KIAA1958: variants seen among roughly 807,000 people sequenced by gnomAD.
KIAA1958 encodes the protein KIAA1958.
Under a neutral mutation model 47.2 loss-of-function variants are expected in KIAA1958, and 14 were observed. The ratio of observed to expected loss-of-function variants is 0.30; its 90% CI spans 0.20 to 0.46. The LOEUF is 0.46. Among genes scored for constraint, KIAA1958 ranks in the 20% least tolerant of loss-of-function variants. KIAA1958 has a pLI of 1.00. For synonymous variants in KIAA1958, 354 were observed against 353.3 expected, an observed-to-expected ratio of 1.00 and a Z score of -0.02; for missense variants, 803 against 909.2, an observed-to-expected ratio of 0.88 and a Z score of 1.50.
rs188040552 is a variant in KIAA1958 at position 112,497,705 on chromosome 9, T to C, written c.-25+10587T>C. Reference sequence around the variant, plus strand: ...TTTAATTCTCCAATTTAAAACTTAATTAAAAAGTAAACTTTAATGTTGAAA... The same window carrying C: ...TTTAATTCTCCAATTTAAAACTTAACTAAAAAGTAAACTTTAATGTTGAAA... On this transcript the variant is annotated intron_variant, in intron 1 of 3. Coordinates refer to ENST00000337530, the MANE Select transcript of KIAA1958 (RefSeq NM_133465.4). Among the ~76,000 whole-genome samples, 442 of 152,294 alleles carry C rather than the reference T, an allele frequency of 2.9e-3. 1 individual carries two copies. Among genetic ancestry groups the C allele is most frequent in the Non-Finnish European group, 3.7e-3 (252 of 68,022 alleles).
At chr9:112,596,802 A>G (rs1320490702) in intron 2 of KIAA1958, among the ~76,000 whole-genome samples, 1 of 152,162 alleles carries the variant, frequency 6.6e-6, no homozygotes, top group African/African-American at 2.4e-5. Context: ...TTTATGTGCC[A>G]TACATCTTTT....
chr9:112,638,367 T>G (rs1836840951), intron 2 of KIAA1958, among the ~76,000 whole-genome samples: 1 of 151,960 alleles, frequency 6.6e-6, no homozygotes, highest in Admixed American at 6.6e-5. Flanking sequence ...TAGCCAGGTG[T>G]TGTGCATGCA....
At chr9:112,624,216 C>T (rs1349764995) in intron 2 of KIAA1958, among the ~76,000 whole-genome samples, 1 of 152,158 alleles carries the variant, frequency 6.6e-6, no homozygotes, top group Non-Finnish European at 1.5e-5. Flanking sequence ...ATAAATGTTT[C>T]CCAAATAGAA....
At chr9:112,644,331 G>A (rs1032985048) in intron 2 of KIAA1958, among the ~76,000 whole-genome samples, 10 of 152,184 alleles carry the variant, frequency 6.6e-5, no homozygotes, top group African/African-American at 2.4e-4. Context: ...CTCAGAGGGA[G>A]CAGGAAAGGT....
chr9:112,545,421 A>C (rs544465967), intron 1 of KIAA1958, among the ~76,000 whole-genome samples: 4 of 152,352 alleles, frequency 2.6e-5, no homozygotes, highest in Non-Finnish European at 4.4e-5. Context: ...GGAGAATGGG[A>C]AAAAGAATAA....
intron 2 of KIAA1958, among the ~76,000 whole-genome samples, chr9:112,617,428 T>C (rs2131215944): frequency 6.6e-6 from 1 of 152,372 alleles, no homozygotes; most frequent in South Asian, 2.1e-4. Flanking sequence ...ACAGATATTT[T>C]AGTTTAATTC....
intron 1 of KIAA1958, among the ~76,000 whole-genome samples, chr9:112,572,960 C>T (rs1056757788): frequency 3.9e-5 from 6 of 152,156 alleles, no homozygotes; most frequent in South Asian, 4.1e-4. Context: ...AGAGCACCAG[C>T]GGGGCACCTC....
At chr9:112,617,785 A>G in intron 2 of KIAA1958, 1 of 1,066,600 alleles carries the variant, frequency 9.4e-7, no homozygotes, top group Non-Finnish European at 1.3e-6. Context: ...TTGTCATTAT[A>G]AAAGGAAACT....
At position 112,668,161 on chromosome 9, in the gene KIAA1958, C is replaced by A. The variant is rs1453788628; in HGVS notation, c.*8092C>A. The A allele has an allele frequency of 4.9e-5, 6 of 122,634 alleles. No individual in the cohort carries two copies. Among genetic ancestry groups the A allele is most frequent in the Non-Finnish European group, 8.5e-5 (5 of 59,160 alleles). 7.6% of individuals were successfully genotyped at this position (122,634 alleles called of 1,614,324 possible). On this transcript the variant is annotated 3_prime_UTR_variant, in exon 4 of 4. Transcript: ENST00000337530. ...TTCCAAGTGAGAAAAGCCAAGGAGT[C>A]CCCTGCGTTGGGGGTGTAATAACCT...
At chr9:112,656,543 A>G (rs543707314) in intron 3 of KIAA1958, among the ~76,000 whole-genome samples, 2 of 152,314 alleles carry the variant, frequency 1.3e-5, no homozygotes, top group South Asian at 4.1e-4. Flanking sequence ...ATAACATGCA[A>G]AATGAAAATT....
At chr9:112,573,914 TCTACAGCGACCTTAA>T (rs1835584146) in intron 1 of KIAA1958, 128 bp from the exon 2 acceptor site, 1 of 503,670 alleles carries the variant, frequency 2.0e-6, no homozygotes, top group African/African-American at 1.9e-5. Flanking sequence ...TCCCTGCTCA[TCTACAGCGACCTTAA>T]CTAGATTCAG....
At position 112,666,093 on chromosome 9, in the gene KIAA1958, T is replaced by G. The variant is rs1837348201; in HGVS notation, c.*6024T>G. ...TTCAAGCCATCCTCCTGCCTCAGTC[T>G]CCCAAGTAGCTGGGATTACAAGCGT... On this transcript the variant is annotated 3_prime_UTR_variant, in exon 4 of 4. Transcript: ENST00000337530. 1 of 151,916 alleles carries G rather than the reference T, an allele frequency of 6.6e-6. No homozygotes were observed. The highest frequency in any genetic ancestry group is 2.4e-5 in the African/African-American group (1 of 41,338). The allele number at this position is 151,916 out of a possible 1,614,324, so 9.4% of individuals were successfully genotyped here.
intron 1 of KIAA1958, among the ~76,000 whole-genome samples, chr9:112,527,482 T>G (rs1018796860): frequency 1.1e-4 from 16 of 152,192 alleles, no homozygotes; most frequent in African/African-American, 3.1e-4. Context: ...GTGATTGTTT[T>G]GTCTTTTGGA....
intron 2 of KIAA1958, among the ~76,000 whole-genome samples, chr9:112,576,951 A>C (rs1835656272): frequency 6.6e-6 from 1 of 152,166 alleles, no homozygotes; most frequent in South Asian, 2.1e-4. Context: ...ATCATTGTAC[A>C]GCCTCACTAG....
chr9:112,637,535 G>T (rs531638879), intron 2 of KIAA1958, among the ~76,000 whole-genome samples: 7 of 151,750 alleles, frequency 4.6e-5, no homozygotes, highest in African/African-American at 1.2e-4. Context: ...CCGTGACCAC[G>T]CCCGGCAGAT....
chr9:112,621,881 C>T (rs751824785), intron 2 of KIAA1958, among the ~76,000 whole-genome samples: 5 of 152,126 alleles, frequency 3.3e-5, no homozygotes, highest in Non-Finnish European at 7.4e-5. Flanking sequence ...TCCCAAATAG[C>T]TGGAACTACA....
chr9:112,562,955 C>T (rs1289670244), intron 1 of KIAA1958, among the ~76,000 whole-genome samples: 1 of 150,586 alleles, frequency 6.6e-6, no homozygotes, highest in African/African-American at 2.4e-5. Flanking sequence ...CATGAGCCAC[C>T]TAGCCTTTAT....
At chr9:112,556,321 A>C (rs1835241846) in intron 1 of KIAA1958, among the ~76,000 whole-genome samples, 1 of 152,148 alleles carries the variant, frequency 6.6e-6, no homozygotes, top group African/African-American at 2.4e-5. Context: ...CTGCCTGCAC[A>C]CAGGTAGCTA....
chr9:112,658,909 A>G (rs943781576), intron 3 of KIAA1958, among the ~76,000 whole-genome samples: 1 of 151,114 alleles, frequency 6.6e-6, no homozygotes, highest in Non-Finnish European at 1.5e-5. Flanking sequence ...AGTCCCAGCT[A>G]CTCGGAAGGC....
Sources: allele counts gnomAD v4.1 joint callset (sites outside exome capture counted in the v4.1 genomes callset), GRCh38; gene constraint gnomAD v4.1.1; transcripts MANE v1.5; gene names NCBI Gene and HGNC (gene_info 2026-07-23, HGNC 2026-07-21).